The following RNF2 variants were observed in gnomAD, a reference collection of about 807,000 sequenced individuals.
RNF2 encodes E3 ubiquitin-protein ligase RING2.
In RNF2, 6 loss-of-function variants were observed where a neutral mutation model predicts 37.2. The ratio of observed to expected loss-of-function variants is 0.16; its 90% CI spans 0.09 to 0.32. The LOEUF is 0.32. RNF2 is among the 10% of genes least tolerant of loss of function. RNF2 has a pLI of 1.00. For missense variants in RNF2, 251 were observed against 404.0 expected (o/e 0.62, Z 3.25); for synonymous variants, 133 against 132.7 (o/e 1.00, Z -0.02).
At chr1:185,076,305 T>C (rs1651161487) in intron 1 of RNF2, among the ~76,000 whole-genome samples, 1 of 109,990 alleles carries the variant, frequency 9.1e-6, no homozygotes, top group African/African-American at 3.7e-5. Context: ...TTTTTTTTTT[T>C]TTTGAGACAG....
rs1651766605 is a variant in RNF2, at chr1:185,091,597, T to G, written c.106T>G (p.Leu36Val). 4 of 1,613,598 alleles carry G rather than the reference T, an allele frequency of 2.5e-6. No homozygotes were observed. Among genetic ancestry groups the G allele is most frequent in the African/African-American group, 1.3e-5 (1 of 74,914 alleles). Residue 36 changes from leucine (L) to valine (V), a missense_variant, in exon 3 of 7, where the codon TTA (leucine) becomes GTA (valine). Leu to Val is a conservative substitution (Grantham distance 32, BLOSUM62 1). This residue lies in a region of RNF2 where 43 missense variants were observed against 82.7 expected (regional missense o/e 0.52). Transcript: ENST00000367510. ...TTTACAGGAGGCAATAACAGATGGC[T>G]TAGAAATTGTGGTTTCACCTCGAAG... Reference protein sequence around the residue: ...RTPQEAITDGLEIVVSPRSLH... With the variant: ...RTPQEAITDGVEIVVSPRSLH...
intron 1 of RNF2, among the ~76,000 whole-genome samples, chr1:185,054,676 T>C (rs911736445): frequency 6.6e-6 from 1 of 151,288 alleles, no homozygotes; most frequent in Admixed American, 6.6e-5. Context: ...TTTTAATCTT[T>C]CTTTGTGGGT....
chr1:185,072,933 C>G (rs942242236), intron 1 of RNF2, among the ~76,000 whole-genome samples: 7 of 152,082 alleles, frequency 4.6e-5, no homozygotes, highest in African/African-American at 1.7e-4. Flanking sequence ...GAATGAGACT[C>G]TGTCTCAAAA....
chr1:185,047,140 C>G (rs1650143271), intron 1 of RNF2, among the ~76,000 whole-genome samples: 1 of 152,146 alleles, frequency 6.6e-6, no homozygotes, highest in Admixed American at 6.5e-5. Context: ...TGGTCCCTCA[C>G]TTTTTGTAAG....
chr1:185,093,787 T>A (rs1651836084), intron 4 of RNF2, among the ~76,000 whole-genome samples: 1 of 152,222 alleles, frequency 6.6e-6, no homozygotes, highest in Non-Finnish European at 1.5e-5. Context: ...ACTGTTCCTT[T>A]ACTTGTTTCT....
intron 1 of RNF2, among the ~76,000 whole-genome samples, chr1:185,082,579 T>C (rs1651459836): frequency 6.6e-6 from 1 of 152,000 alleles, no homozygotes; most frequent in African/African-American, 2.4e-5. Context: ...GGTCTTGAAC[T>C]CCTGACCTCA....
intron 1 of RNF2, among the ~76,000 whole-genome samples, chr1:185,067,228 C>CTT (rs1035796747): frequency 2.0e-5 from 3 of 152,118 alleles, no homozygotes; most frequent in African/African-American, 7.2e-5. Context: ...GTAAAGAACA[C>CTT]TTTGTGTCTT....
intron 4 of RNF2, among the ~76,000 whole-genome samples, 169 bp from the exon 5 acceptor site, chr1:185,097,902 AT>A (rs1352546062): frequency 1.3e-5 from 2 of 152,234 alleles, no homozygotes; most frequent in Non-Finnish European, 2.9e-5. Flanking sequence ...AGCAAGAGAG[AT>A]TTTTTAGACC....
At chr1:185,091,063 G>C (rs1405089499) in intron 2 of RNF2, among the ~76,000 whole-genome samples, 3 of 152,156 alleles carry the variant, frequency 2.0e-5, no homozygotes, top group African/African-American at 7.2e-5. Flanking sequence ...CTATTAAGCT[G>C]TTTATAAACT....
At chr1:185,054,472 C>T (rs566052538) in intron 1 of RNF2, among the ~76,000 whole-genome samples, 6 of 152,282 alleles carry the variant, frequency 3.9e-5, no homozygotes, top group African/African-American at 9.6e-5. Context: ...AGCAGGCCTT[C>T]TTCTCCCATC....
At chr1:185,094,618 G>A (rs947788042) in intron 4 of RNF2, among the ~76,000 whole-genome samples, 5 of 152,138 alleles carry the variant, frequency 3.3e-5, no homozygotes, top group African/African-American at 1.2e-4. Context: ...CTCCCACATA[G>A]TCTATTCTCA....
chr1:185,088,261 A>G (rs553379689), intron 2 of RNF2, among the ~76,000 whole-genome samples: 16 of 152,294 alleles, frequency 1.1e-4, no homozygotes, highest in African/African-American at 3.6e-4. Flanking sequence ...GAAATTAGGT[A>G]ATGGACAAGG....
At chr1:185,080,839 C>G (rs1362487244) in intron 1 of RNF2, among the ~76,000 whole-genome samples, 1 of 152,156 alleles carries the variant, frequency 6.6e-6, no homozygotes, top group Non-Finnish European at 1.5e-5. Context: ...AATACTTCAG[C>G]AGAATGTTTT....
chr1:185,096,017 C>T (rs777351221), intron 4 of RNF2, among the ~76,000 whole-genome samples: 4 of 152,110 alleles, frequency 2.6e-5, no homozygotes, highest in African/African-American at 9.7e-5. Flanking sequence ...ATTCTTTAAA[C>T]GCTGCCTGCA....
At chr1:185,096,201 C>G (rs1214734955) in intron 4 of RNF2, among the ~76,000 whole-genome samples, 2 of 152,040 alleles carry the variant, frequency 1.3e-5, no homozygotes, top group South Asian at 2.1e-4. Context: ...GTTGTGCTAT[C>G]AATTTTTTGT....
intron 2 of RNF2, among the ~76,000 whole-genome samples, chr1:185,089,255 C>T (rs1369230809): frequency 3.3e-5 from 5 of 152,226 alleles, no homozygotes; most frequent in Admixed American, 6.5e-5. Context: ...GCCTGCTGCT[C>T]ACCTCCTGCT....
intron 1 of RNF2, among the ~76,000 whole-genome samples, chr1:185,051,560 G>A (rs1220003046): frequency 1.3e-5 from 2 of 152,134 alleles, no homozygotes; most frequent in Non-Finnish European, 2.9e-5. Context: ...AGATCCATTG[G>A]TCCCTGGCTT....
At chr1:185,100,016 C>G in intron 6 of RNF2, 54 bp downstream of exon 6, 1 of 1,509,594 alleles carries the variant, frequency 6.6e-7, no homozygotes, top group Non-Finnish European at 9.1e-7. Context: ...GACCAACTAA[C>G]TGAGTGGCAA....
At chr1:185,083,371 A>G (rs779454278) in intron 1 of RNF2, among the ~76,000 whole-genome samples, 1 of 152,106 alleles carries the variant, frequency 6.6e-6, no homozygotes, top group Non-Finnish European at 1.5e-5. Flanking sequence ...ATTTTATTTT[A>G]TAAGTCCCGT....
Sources: allele counts gnomAD v4.1 joint callset (sites outside exome capture counted in the v4.1 genomes callset), GRCh38; gene constraint gnomAD v4.1.1; regional missense constraint gnomAD v4.1.1; transcripts MANE v1.5; gene names NCBI Gene and HGNC (gene_info 2026-07-23, HGNC 2026-07-21).